RABGAP1L: variants seen among roughly 807,000 people sequenced by gnomAD.
RABGAP1L encodes rab GTPase-activating protein 1-like.
Under a neutral mutation model 137.7 loss-of-function variants are expected in RABGAP1L, and 63 were observed. The observed-to-expected ratio is 0.46, with a 90% CI of 0.37 to 0.56. The LOEUF (loss-of-function observed/expected upper bound fraction) is 0.56. RABGAP1L is among the 20% of genes least tolerant of loss of function. The pLI, the probability that RABGAP1L is intolerant of heterozygous loss-of-function variation, is 0.00. For synonymous variants in RABGAP1L, 431 were observed against 433.7 expected, an observed-to-expected ratio of 0.99 and a Z score of 0.08; for missense variants, 1,095 against 1,244.0, an observed-to-expected ratio of 0.88 and a Z score of 1.80.
intron 19 of RABGAP1L, among the ~76,000 whole-genome samples, chr1:174,871,353 C>G (rs1324692522): frequency 6.6e-6 from 1 of 151,944 alleles, no homozygotes; most frequent in East Asian, 1.9e-4. Context: ...AAGCTGGTCT[C>G]GAACTCCTGA....
At chr1:174,740,531 G>A (rs1239799165) in intron 17 of RABGAP1L, among the ~76,000 whole-genome samples, 1 of 152,212 alleles carries the variant, frequency 6.6e-6, no homozygotes, top group African/African-American at 2.4e-5. Flanking sequence ...GTGTTTTAAA[G>A]CCTCCTAACT....
intron 14 of RABGAP1L, among the ~76,000 whole-genome samples, chr1:174,671,172 A>C (rs907131630): frequency 1.3e-5 from 2 of 152,182 alleles, no homozygotes; most frequent in Non-Finnish European, 2.9e-5. Flanking sequence ...CACTTTTATA[A>C]GTTGATTTTG....
At chr1:174,473,135 G>A (rs969470382) in intron 13 of RABGAP1L, among the ~76,000 whole-genome samples, 4 of 152,150 alleles carry the variant, frequency 2.6e-5, no homozygotes, top group Non-Finnish European at 4.4e-5. Flanking sequence ...GTTGCCATGC[G>A]TTTAAAGTCA....
At chr1:174,848,877 G>A (rs1309495107) in intron 19 of RABGAP1L, among the ~76,000 whole-genome samples, 2 of 151,136 alleles carry the variant, frequency 1.3e-5, no homozygotes, top group African/African-American at 4.9e-5. Context: ...AGCAATCAGC[G>A]AGATTCCGTG....
At chr1:174,849,851 A>T in intron 19 of RABGAP1L, 1 of 558,436 alleles carries the variant, frequency 1.8e-6, no homozygotes, top group East Asian at 5.0e-5. Context: ...GAATGATCTT[A>T]ATATTTATCA....
intron 13 of RABGAP1L, among the ~76,000 whole-genome samples, chr1:174,611,003 G>C (rs1351821088): frequency 6.6e-6 from 1 of 150,470 alleles, no homozygotes; most frequent in East Asian, 1.9e-4. Flanking sequence ...CATTCTGTAG[G>C]TTGCCTGTTC....
At chr1:174,527,204 G>GTTTTTTTTTTT (rs57011947) in intron 13 of RABGAP1L, among the ~76,000 whole-genome samples, 1 of 119,660 alleles carries the variant, frequency 8.4e-6, no homozygotes, top group Non-Finnish European at 1.7e-5. Context: ...TTTTTATTTT[G>GTTTTTTTTTTT]TTTTTTTTTT....
chr1:174,919,447 G>A (rs1661453480), intron 19 of RABGAP1L, among the ~76,000 whole-genome samples: 1 of 152,242 alleles, frequency 6.6e-6, no homozygotes, highest in Non-Finnish European at 1.5e-5. Context: ...TCACAGCATA[G>A]TGCCCTGAAT....
intron 7 of RABGAP1L, among the ~76,000 whole-genome samples, chr1:174,259,669 C>T (rs1249814785): frequency 2.0e-5 from 3 of 152,060 alleles, no homozygotes; most frequent in African/African-American, 7.2e-5. Context: ...TTTTAATATT[C>T]TTTTCCTTTT....
chr1:174,527,511 T>C (rs1447910547), intron 13 of RABGAP1L, among the ~76,000 whole-genome samples: 1 of 152,120 alleles, frequency 6.6e-6, no homozygotes, highest in Admixed American at 6.5e-5. Flanking sequence ...TGGCCTATGA[T>C]TTCTGTTTTT....
chr1:174,310,740 T>C (rs1214603975), intron 11 of RABGAP1L, among the ~76,000 whole-genome samples: 2 of 152,108 alleles, frequency 1.3e-5, no homozygotes, highest in Non-Finnish European at 2.9e-5. Flanking sequence ...ATAGTAGGTG[T>C]ATATATTTAT....
At chr1:174,621,270 C>T (rs902633918) in intron 13 of RABGAP1L, among the ~76,000 whole-genome samples, 8 of 152,234 alleles carry the variant, frequency 5.3e-5, no homozygotes, top group African/African-American at 1.2e-4. Context: ...TGAAAATGGC[C>T]ATACTCCCCA....
chr1:174,715,006 A>G (rs1680884464), intron 17 of RABGAP1L, among the ~76,000 whole-genome samples: 1 of 152,204 alleles, frequency 6.6e-6, no homozygotes, highest in Non-Finnish European at 1.5e-5. Context: ...GGAGCATAGC[A>G]TAGTTTTAAT....
intron 19 of RABGAP1L, among the ~76,000 whole-genome samples, chr1:174,826,143 T>C (rs74524401): frequency 0.077 from 11,753 of 152,210 alleles, 639 homozygotes; most frequent in East Asian, 0.32. Flanking sequence ...AAACATGCAG[T>C]ATTTGGTTTT....
intron 13 of RABGAP1L, among the ~76,000 whole-genome samples, chr1:174,610,641 CA>C (rs1671150336): frequency 6.6e-6 from 1 of 152,168 alleles, no homozygotes; most frequent in Non-Finnish European, 1.5e-5. Flanking sequence ...CTGACTTCCA[CA>C]ATGGTTGAAC....
intron 13 of RABGAP1L, among the ~76,000 whole-genome samples, chr1:174,420,016 A>C (rs1651068173): frequency 6.6e-6 from 1 of 152,166 alleles, no homozygotes. Flanking sequence ...AATATTCAAC[A>C]CAGTTAAAAC....
intron 14 of RABGAP1L, among the ~76,000 whole-genome samples, chr1:174,662,107 T>TC (rs1553228904): frequency 9.8e-5 from 11 of 112,284 alleles, no homozygotes; most frequent in African/African-American, 3.9e-4. Context: ...CTTTTCTTTT[T>TC]TTTTTTTTTT....
chr1:174,362,028 T>C (rs1684188275), intron 11 of RABGAP1L, among the ~76,000 whole-genome samples: 1 of 152,244 alleles, frequency 6.6e-6, no homozygotes, highest in African/African-American at 2.4e-5. Flanking sequence ...AGTGAGAACA[T>C]GCACTATTCA....
intron 13 of RABGAP1L, among the ~76,000 whole-genome samples, chr1:174,577,989 G>T (rs1668496587): frequency 6.6e-6 from 1 of 152,152 alleles, no homozygotes; most frequent in African/African-American, 2.4e-5. Flanking sequence ...TTGGATAAAT[G>T]TTGAATAAAA....
Sources: gnomAD v4.1 joint callset for allele counts (sites outside exome capture counted in the v4.1 genomes callset) on GRCh38, gnomAD v4.1.1 for gene constraint, MANE v1.5 for transcripts, NCBI Gene and HGNC (gene_info 2026-07-23, HGNC 2026-07-21) for gene names.